LPCAT1: variants seen among roughly 807,000 people sequenced by gnomAD.
LPCAT1 encodes the protein lysophosphatidylcholine acyltransferase 1.
In LPCAT1, 23 loss-of-function variants were observed where a neutral mutation model predicts 60.9. The ratio of observed to expected loss-of-function variants is 0.38; its 90% confidence interval spans 0.27 to 0.53. The LOEUF (loss-of-function observed/expected upper bound fraction) is 0.53. LPCAT1 is among the 20% of genes least tolerant of loss of function. LPCAT1 has a pLI of 0.82. For synonymous variants in LPCAT1, 340 were observed against 301.1 expected (o/e 1.13, Z -1.34); for missense variants, 622 against 723.6 (o/e 0.86, Z 1.61).
intron 2 of LPCAT1, among the ~76,000 whole-genome samples, chr5:1,499,264 T>G (rs1434692336): frequency 6.6e-6 from 1 of 152,204 alleles, no homozygotes; most frequent in Admixed American, 6.5e-5. Flanking sequence ...ACGGGGCTCC[T>G]GCCTCCTGAG....
chr5:1,478,695 G>T (rs1735019442), intron 8 of LPCAT1, among the ~76,000 whole-genome samples: 2 of 152,268 alleles, frequency 1.3e-5, no homozygotes, highest in Non-Finnish European at 2.9e-5. Context: ...CTGAAAGCCG[G>T]GCTTATCAGT....
chr5:1,513,127 C>T (rs747778013), intron 1 of LPCAT1, among the ~76,000 whole-genome samples: 5 of 152,172 alleles, frequency 3.3e-5, no homozygotes, highest in Non-Finnish European at 7.4e-5. Context: ...TCAAGATGAC[C>T]GATGGCAGGC....
chr5:1,485,464 G>C (rs1038813462), intron 5 of LPCAT1, among the ~76,000 whole-genome samples: 1 of 152,346 alleles, frequency 6.6e-6, no homozygotes, highest in East Asian at 1.9e-4. Context: ...GCAGAGGGGA[G>C]GAGGTACGGG....
At chr5:1,488,480 C>T (rs1735452306) in intron 4 of LPCAT1, 29 bp from the exon 5 acceptor site, 2 of 1,441,794 alleles carry the variant, frequency 1.4e-6, no homozygotes. Context: ...AAAGGATCAG[C>T]ATTAAACTGT....
chr5:1,505,787 C>A (rs946343719), intron 1 of LPCAT1, among the ~76,000 whole-genome samples: 2 of 152,244 alleles, frequency 1.3e-5, no homozygotes, highest in Non-Finnish European at 2.9e-5. Flanking sequence ...TCACCTCACA[C>A]GTCCATGCAT....
chr5:1,481,332 C>T lies in LPCAT1; in HGVS notation c.727-356G>A, dbSNP rs747457905. 4.6e-5 allele frequency among the ~76,000 whole-genome samples: 7 copies of T among 152,242 alleles called. No individual in the cohort carries two copies. The highest frequency in any genetic ancestry group is 1.9e-4 in the East Asian group (1 of 5,188). ...GGGTCCTCCCTCCCTCCATGCTCTC[C>T]GCTTTCCTCACAGACCTGGGGACAC... On this transcript the variant is annotated intron_variant, in intron 6 of 13. Transcript: ENST00000283415. The surrounding 1 kb of genome is among the most constrained non-coding windows in gnomAD (Gnocchi z 7.8).
In LPCAT1 at chr5:1,483,463, C is replaced by T. The variant is rs140048874; in HGVS notation, c.691G>A (p.Val231Ile). The change falls in exon 6 of 14, where the codon GTC (valine) becomes ATC (isoleucine). Residue 231 changes from valine (V) to isoleucine (I), a missense_variant. Val to Ile is a conservative substitution (Grantham distance 29, BLOSUM62 3). Around this residue, in one of 3 missense-constraint regions of LPCAT1, gnomAD observed 209 missense variants for 325.5 expected, o/e 0.64. Transcript: ENST00000283415. The surrounding 1 kb of genome is among the most constrained non-coding windows in gnomAD (Gnocchi z 9.2). The part of the protein sequence containing the change: ...KPGAFIPGAP[V>I]QPVVLRYPNK... ...GGATATCGTAAAACCACAGGCTGGA[C>T]GGGCGCTCCAGGGATGAATGCACCT... 118 of 1,613,584 alleles carry T rather than the reference C, an allele frequency of 7.3e-5. 1 individual carries two copies. The highest frequency in any genetic ancestry group is 1.9e-4 in the African/African-American group (14 of 74,940).
chr5:1,474,923 G>C (rs1734839348), intron 9 of LPCAT1, among the ~76,000 whole-genome samples: 1 of 152,256 alleles, frequency 6.6e-6, no homozygotes, highest in Admixed American at 6.5e-5. Context: ...GCCATCACGT[G>C]AGAATCGTGA....
At chr5:1,465,582 C>A (rs900203218) in intron 13 of LPCAT1, among the ~76,000 whole-genome samples, 1 of 149,388 alleles carries the variant, frequency 6.7e-6, no homozygotes, top group African/African-American at 2.5e-5. Flanking sequence ...CACAAGTGCA[C>A]GCACACACAC....
In LPCAT1 at chr5:1,476,533, G is replaced by A. The variant is rs544057425; in HGVS notation, c.899+871C>T. 6.1e-4 allele frequency among the ~76,000 whole-genome samples: 93 copies of A among 152,266 alleles called. No homozygotes were observed. Among genetic ancestry groups the A allele is most frequent in the African/African-American group, 2.1e-3 (89 of 41,540 alleles). On this transcript the variant is annotated intron_variant, in intron 9 of 13. Coordinates refer to ENST00000283415, the MANE Select transcript of LPCAT1 (RefSeq NM_024830.5). The surrounding 1 kb of genome is among the most constrained non-coding windows in gnomAD (Gnocchi z 8.6). ...TCCCCTCTGGGCTCTCTGGAGAGGC[G>A]AGTTCCCAGCCATGCCCCGACCTGC...
At position 1,487,811 on chromosome 5, in the gene LPCAT1, C is replaced by A. The variant is rs1399581640; in HGVS notation, c.667+580G>T. On this transcript the variant is annotated intron_variant, in intron 5 of 13. Transcript: ENST00000283415. The surrounding 1 kb of genome is among the most constrained non-coding windows in gnomAD (Gnocchi z 6.1). ...TGTGCAGAATTCCAAACAGACTCAG[C>A]GCAAAAAGAACAGTGGACTCTGCTG... 6.6e-6 allele frequency among the ~76,000 whole-genome samples: 1 copy of A among 152,174 alleles called. No individual in the cohort carries two copies. The highest frequency in any genetic ancestry group is 1.5e-5 in the Non-Finnish European group (1 of 68,034).
At position 1,480,797 on chromosome 5, in the gene LPCAT1, G is replaced by T; in HGVS notation, c.761+145C>A. 1 of 1,013,196 alleles carries T rather than the reference G, an allele frequency of 9.9e-7. No homozygotes were observed. The highest frequency in any genetic ancestry group is 1.6e-6 in the Non-Finnish European group (1 of 642,472). 62.8% of individuals were successfully genotyped at this position (1,013,196 alleles called of 1,614,324 possible). ...GGCCTGGGCCACATCTGTACGTTTA[G>T]TTTTCACAATGGGCTGAACCTAACG... On this transcript the variant is annotated intron_variant, in intron 7 of 13. Coordinates refer to ENST00000283415, the MANE Select transcript of LPCAT1 (RefSeq NM_024830.5). This position sits in a 1 kb window ranked among gnomAD's most constrained non-coding sequence, Gnocchi z 6.4.
chr5:1,504,426 C>T (rs937622789), intron 1 of LPCAT1, among the ~76,000 whole-genome samples: 23 of 152,344 alleles, frequency 1.5e-4, no homozygotes, highest in African/African-American at 5.3e-4. Context: ...CTGTTAAAGC[C>T]GACAGCTAGG....
chr5:1,493,652 G>A lies in LPCAT1; in HGVS notation c.493+1048C>T, dbSNP rs757971346. On this transcript the variant is annotated intron_variant, in intron 3 of 13. Transcript: ENST00000283415. Reference sequence around the variant, plus strand: ...TGTGAAGGAAGCACGAGGACAGAACGGGCCCAGATGCCCTGAAGAGCACCG... The same window carrying A: ...TGTGAAGGAAGCACGAGGACAGAACAGGCCCAGATGCCCTGAAGAGCACCG... Among the ~76,000 whole-genome samples, 4 of 152,178 alleles carry A rather than the reference G, an allele frequency of 2.6e-5. No individual in the cohort carries two copies. In the South Asian group the frequency reaches 6.2e-4, roughly 24 times the overall value.
At chr5:1,484,189 G>A (rs1735283706) in intron 5 of LPCAT1, among the ~76,000 whole-genome samples, 1 of 152,240 alleles carries the variant, frequency 6.6e-6, no homozygotes, top group Non-Finnish European at 1.5e-5. Flanking sequence ...GGAATCAGGA[G>A]GAGCCCCAGC....
At chr5:1,485,140 G>A (rs925213813) in intron 5 of LPCAT1, among the ~76,000 whole-genome samples, 29 of 152,150 alleles carry the variant, frequency 1.9e-4, no homozygotes, top group Admixed American at 3.9e-4. Context: ...CGACCATCCC[G>A]ACCATGTGTC....
intron 1 of LPCAT1, among the ~76,000 whole-genome samples, chr5:1,520,452 T>G (rs1435588748): frequency 6.6e-6 from 1 of 152,176 alleles, no homozygotes; most frequent in African/African-American, 2.4e-5. Flanking sequence ...CCTCCTCCAC[T>G]CTGAGACAGC....
At chr5:1,472,462 GACT>G (rs3055718) in intron 11 of LPCAT1, among the ~76,000 whole-genome samples, 45,712 of 151,770 alleles carry the variant, frequency 0.3, 7,901 homozygotes, top group East Asian at 0.45. Flanking sequence ...AGGTGGAAAT[GACT>G]ACAAGTCCCT....
chr5:1,493,538 C>G (rs558309339), intron 3 of LPCAT1, among the ~76,000 whole-genome samples: 1 of 152,284 alleles, frequency 6.6e-6, no homozygotes, highest in Non-Finnish European at 1.5e-5. Context: ...CGACGCCCCT[C>G]GTCCCAGCAG....
Sources: allele counts gnomAD v4.1 joint callset (sites outside exome capture counted in the v4.1 genomes callset), GRCh38; gene constraint gnomAD v4.1.1; regional missense constraint gnomAD v4.1.1; non-coding constraint Gnocchi (gnomAD v3.1); transcripts MANE v1.5; gene names NCBI Gene and HGNC (gene_info 2026-07-23, HGNC 2026-07-21).